ACOXL: variants seen among roughly 807,000 people sequenced by gnomAD.
ACOXL encodes the protein acyl-CoA oxidase like.
Under a neutral mutation model 71.9 loss-of-function variants are expected in ACOXL, and 70 were observed. The observed-to-expected ratio is 0.97, with a 90% CI of 0.80 to 1.19. The LOEUF is 1.19. ACOXL is among the 50% of genes most tolerant of loss of function. The pLI is 0.00. For synonymous variants in ACOXL, 253 were observed against 281.6 expected, an observed-to-expected ratio of 0.90 and a Z score of 1.02; for missense variants, 703 against 736.3, an observed-to-expected ratio of 0.95 and a Z score of 0.52.
At chr2:110,859,381 T>C (rs917947247) in intron 10 of ACOXL, among the ~76,000 whole-genome samples, 1 of 152,206 alleles carries the variant, frequency 6.6e-6, no homozygotes, top group Non-Finnish European at 1.5e-5. Flanking sequence ...CTGACCCCAA[T>C]ACATTTTATT....
intron 10 of ACOXL, among the ~76,000 whole-genome samples, chr2:110,843,305 C>T (rs1275118638): frequency 6.6e-6 from 1 of 152,196 alleles, no homozygotes; most frequent in Non-Finnish European, 1.5e-5. Flanking sequence ...CAGGAGTGAG[C>T]CACCATGCCT....
intron 1 of ACOXL, among the ~76,000 whole-genome samples, chr2:110,746,287 G>A (rs975619072): frequency 2.6e-5 from 4 of 151,958 alleles, no homozygotes; most frequent in African/African-American, 9.7e-5. Flanking sequence ...TGGGCTTATT[G>A]TGAATGCTGC....
intron 10 of ACOXL, among the ~76,000 whole-genome samples, chr2:110,907,258 T>C (rs1385988661): frequency 6.6e-6 from 1 of 152,112 alleles, no homozygotes; most frequent in African/African-American, 2.4e-5. Flanking sequence ...TCTTTTCTTT[T>C]TATAAGGCCA....
chr2:110,880,000 G>A (rs1696415734), intron 10 of ACOXL, among the ~76,000 whole-genome samples: 1 of 151,904 alleles, frequency 6.6e-6, no homozygotes, highest in South Asian at 2.1e-4. Flanking sequence ...ACAAAAATTA[G>A]CCAAGCATGG....
chr2:111,052,170 AC>A (rs2066319839), intron 16 of ACOXL, among the ~76,000 whole-genome samples: 1 of 152,200 alleles, frequency 6.6e-6, no homozygotes, highest in African/African-American at 2.4e-5. Context: ...GGACAGGAAA[AC>A]AAGTGACTAG....
At chr2:110,959,866 C>T (rs907136469) in intron 12 of ACOXL, among the ~76,000 whole-genome samples, 1 of 152,148 alleles carries the variant, frequency 6.6e-6, no homozygotes, top group African/African-American at 2.4e-5. Context: ...ATCTCAGAGT[C>T]AAAGTTGGGT....
intron 15 of ACOXL, among the ~76,000 whole-genome samples, chr2:111,035,284 G>C (rs1228129942): frequency 6.6e-6 from 1 of 152,188 alleles, no homozygotes; most frequent in Non-Finnish European, 1.5e-5. Context: ...CTGAAAACTA[G>C]GGAAAACCGT....
chr2:110,763,382 A>G (rs1050098771), intron 1 of ACOXL, among the ~76,000 whole-genome samples: 6 of 152,240 alleles, frequency 3.9e-5, no homozygotes, highest in African/African-American at 1.2e-4. Flanking sequence ...ATGGACTCAC[A>G]TAAATATAGT....
chr2:110,887,825 C>G (rs1697482242), intron 10 of ACOXL: 1 of 152,152 alleles, frequency 6.6e-6, no homozygotes, highest in African/African-American at 2.4e-5. Flanking sequence ...CCAGCATTAT[C>G]TTTTTGGATA....
At chr2:110,878,336 A>G (rs1233279019) in intron 10 of ACOXL, among the ~76,000 whole-genome samples, 1 of 152,268 alleles carries the variant, frequency 6.6e-6, no homozygotes, top group East Asian at 1.9e-4. Context: ...GAAACTTAGT[A>G]AGTGAGAAGC....
chr2:110,957,981 C>T (rs945325341), intron 12 of ACOXL, among the ~76,000 whole-genome samples: 7 of 140,058 alleles, frequency 5.0e-5, no homozygotes, highest in Non-Finnish European at 9.0e-5. Flanking sequence ...ACCTGGGAGG[C>T]GGAGATTGCA....
chr2:110,967,075 C>G (rs2061965570), intron 12 of ACOXL, among the ~76,000 whole-genome samples: 1 of 152,012 alleles, frequency 6.6e-6, no homozygotes, highest in Admixed American at 6.5e-5. Flanking sequence ...CAAGAAGAAT[C>G]CAATGTTGGA....
Position 110,789,147 on chromosome 2 carries a change from G to A in ACOXL, c.159+4332G>A, listed in dbSNP as rs185595580. 3.9e-3 allele frequency among the ~76,000 whole-genome samples: 593 copies of A among 152,254 alleles called. 5 individuals are homozygous for A. Among genetic ancestry groups the A allele is most frequent in the African/African-American group, 0.013 (556 of 41,526 alleles). On this transcript the variant is annotated intron_variant, in intron 3 of 17. Transcript: ENST00000439055. ...GCTGGCAGGGCTGGGGGCTGGCTCT[G>A]AGAGTGGCTCACAGCGACAGGGGTG...
chr2:110,946,842 A>G (rs999193483), intron 12 of ACOXL, among the ~76,000 whole-genome samples: 5 of 152,006 alleles, frequency 3.3e-5, no homozygotes, highest in African/African-American at 1.2e-4. Flanking sequence ...TCTTTCTGAG[A>G]TTTCCTGCTG....
intron 11 of ACOXL, among the ~76,000 whole-genome samples, chr2:110,911,478 T>G (rs1244299690): frequency 6.6e-6 from 1 of 151,980 alleles, no homozygotes; most frequent in Non-Finnish European, 1.5e-5. Flanking sequence ...AACAAAATAC[T>G]AGTAAACTTA....
intron 14 of ACOXL, among the ~76,000 whole-genome samples, chr2:111,010,950 G>A (rs1319356616): frequency 6.6e-6 from 1 of 152,114 alleles, no homozygotes; most frequent in Admixed American, 6.5e-5. Flanking sequence ...GGTACTTTAA[G>A]CTAAACAAAA....
At chr2:110,976,471 C>T (rs370385250) in intron 12 of ACOXL, among the ~76,000 whole-genome samples, 1 of 152,274 alleles carries the variant, frequency 6.6e-6, no homozygotes, top group East Asian at 1.9e-4. Context: ...AATTATTGAT[C>T]AAGTATGAGG....
chr2:110,979,797 A>G (rs2062622727), intron 12 of ACOXL, among the ~76,000 whole-genome samples: 1 of 152,162 alleles, frequency 6.6e-6, no homozygotes. Context: ...GTGCAAACGG[A>G]GGGCCTTTGC....
At chr2:110,793,603 G>T (rs766811299) in intron 3 of ACOXL, 47 bp from the exon 4 acceptor site, 1 of 1,551,380 alleles carries the variant, frequency 6.4e-7, no homozygotes, top group Non-Finnish European at 8.9e-7. Context: ...ATTGTCTTTA[G>T]ATTGCTGACT....
Sources: allele counts gnomAD v4.1 joint callset (sites outside exome capture counted in the v4.1 genomes callset), GRCh38; gene constraint gnomAD v4.1.1; transcripts MANE v1.5; gene names NCBI Gene and HGNC (gene_info 2026-07-23, HGNC 2026-07-21).